The following PTPRM variants were observed in gnomAD, a reference collection of about 807,000 sequenced individuals.
PTPRM encodes receptor-type tyrosine-protein phosphatase mu.
Under a neutral mutation model 186.7 loss-of-function variants are expected in PTPRM, and 47 were observed. The observed-to-expected ratio is 0.25, with a 90% CI of 0.20 to 0.32. The LOEUF (loss-of-function observed/expected upper bound fraction) is 0.32. Ranked by LOEUF, PTPRM falls within the 10% of genes least tolerant of loss-of-function variation. The pLI is 1.00. For synonymous variants in PTPRM, 668 were observed against 674.9 expected, an observed-to-expected ratio of 0.99 and a Z score of 0.16; for missense variants, 1,494 against 1,865.0, an observed-to-expected ratio of 0.80 and a Z score of 3.66.
At chr18:7,779,952 G>T (rs981735703) in intron 2 of PTPRM, among the ~76,000 whole-genome samples, 4 of 152,104 alleles carry the variant, frequency 2.6e-5, no homozygotes, top group African/African-American at 9.7e-5. Flanking sequence ...ACGATTATAT[G>T]CTAGAAAACC....
chr18:7,994,949 A>G (rs2083455647), intron 7 of PTPRM, among the ~76,000 whole-genome samples: 1 of 152,110 alleles, frequency 6.6e-6, no homozygotes, highest in Middle Eastern at 3.2e-3. Context: ...AATTAGTAGA[A>G]GGGAAGAAAT....
intron 19 of PTPRM, among the ~76,000 whole-genome samples, chr18:8,278,242 A>T (rs1359722495): frequency 6.6e-6 from 1 of 152,254 alleles, no homozygotes; most frequent in Non-Finnish European, 1.5e-5. Flanking sequence ...TTGGGGAGCA[A>T]TGCAAAGTAT....
At chr18:8,174,612 A>G (rs12966378) in intron 14 of PTPRM, among the ~76,000 whole-genome samples, 7,106 of 152,268 alleles carry the variant, frequency 0.047, 216 homozygotes, top group Non-Finnish European at 0.074. Context: ...GGCGAGGGAA[A>G]TCTATAGGGA....
chr18:8,241,248 G>A (rs1305199182), intron 14 of PTPRM, among the ~76,000 whole-genome samples: 1 of 152,194 alleles, frequency 6.6e-6, no homozygotes, highest in Non-Finnish European at 1.5e-5. Context: ...TGAGGCACGA[G>A]AATCACTTGA....
intron 7 of PTPRM, among the ~76,000 whole-genome samples, chr18:8,040,429 A>T (rs921188148): frequency 6.6e-6 from 1 of 152,170 alleles, no homozygotes; most frequent in African/African-American, 2.4e-5. Context: ...TTATGTGTCA[A>T]ATCGAAGCTG....
intron 26 of PTPRM, 196 bp downstream of exon 26, chr18:8,376,793 AG>A: frequency 1.5e-6 from 1 of 653,352 alleles, no homozygotes; most frequent in Non-Finnish European, 2.3e-6. Flanking sequence ...AAACAAACCC[AG>A]GAGTTTTCCA....
intron 2 of PTPRM, among the ~76,000 whole-genome samples, chr18:7,885,621 C>T (rs757601609): frequency 7.9e-5 from 12 of 152,258 alleles, no homozygotes; most frequent in Non-Finnish European, 1.8e-4. Flanking sequence ...ACTACAGAAG[C>T]ATGCCTCAAA....
At chr18:7,964,171 C>G (rs1163399987) in intron 7 of PTPRM, among the ~76,000 whole-genome samples, 2 of 152,116 alleles carry the variant, frequency 1.3e-5, no homozygotes, top group Admixed American at 6.5e-5. Flanking sequence ...ACACTGGGGT[C>G]CTATGCATAA....
chr18:7,827,626 A>G (rs1480699037), intron 2 of PTPRM, among the ~76,000 whole-genome samples: 1 of 152,214 alleles, frequency 6.6e-6, no homozygotes, highest in Non-Finnish European at 1.5e-5. Context: ...CCAAGCACCA[A>G]GAGTCACCTA....
intron 1 of PTPRM, among the ~76,000 whole-genome samples, chr18:7,601,907 A>G (rs62089798): frequency 0.011 from 1,695 of 152,270 alleles, 17 homozygotes; most frequent in Non-Finnish European, 0.015. Context: ...GGAATTTTTC[A>G]TATTTAGGGG....
rs138965113 is a variant in PTPRM at position 8,069,557 on chromosome 18, A to T, written c.1133-129A>T. The T allele has an allele frequency of 1.2e-4, 97 of 830,572 alleles. No individual in the cohort carries two copies. In the East Asian group the frequency reaches 2.6e-3, roughly 22 times the overall value. The allele number at this position is 830,572 out of a possible 1,614,324, so 51.5% of individuals were successfully genotyped here. On this transcript the variant is annotated intron_variant, in intron 7 of 32. Transcript: ENST00000580170. ...CCAAATGCCTAGCCAAGATTTAGGG[A>T]TTTATTATCCAGGAAGAAGAGGAGA...
chr18:7,595,921 T>C (rs1266478188), intron 1 of PTPRM, among the ~76,000 whole-genome samples: 1 of 152,190 alleles, frequency 6.6e-6, no homozygotes, highest in Non-Finnish European at 1.5e-5. Flanking sequence ...CCCATTTATA[T>C]CCACACCTCT....
intron 2 of PTPRM, among the ~76,000 whole-genome samples, chr18:7,803,003 C>T (rs538052555): frequency 6.6e-6 from 1 of 152,174 alleles, no homozygotes; most frequent in African/African-American, 2.4e-5. Flanking sequence ...GGGAACCTAA[C>T]ATGGGTGGTC....
At chr18:7,920,685 C>T (rs897931880) in intron 4 of PTPRM, among the ~76,000 whole-genome samples, 11 of 152,074 alleles carry the variant, frequency 7.2e-5, no homozygotes, top group Admixed American at 1.3e-4. Flanking sequence ...TAATATTATC[C>T]GTGGGTTTTA....
At chr18:7,728,391 A>T (rs1958673172) in intron 1 of PTPRM, among the ~76,000 whole-genome samples, 1 of 152,286 alleles carries the variant, frequency 6.6e-6, no homozygotes, top group African/African-American at 2.4e-5. Context: ...GTCCTGCAAG[A>T]AGGTTTCCAC....
At chr18:7,677,701 C>T (rs1266047007) in intron 1 of PTPRM, among the ~76,000 whole-genome samples, 1 of 152,102 alleles carries the variant, frequency 6.6e-6, no homozygotes, top group Admixed American at 6.5e-5. Flanking sequence ...GCATCACGCT[C>T]CCCCTCTGGA....
intron 7 of PTPRM, among the ~76,000 whole-genome samples, chr18:8,055,239 A>G (rs775507291): frequency 1.3e-5 from 2 of 152,036 alleles, no homozygotes; most frequent in Non-Finnish European, 1.5e-5. Flanking sequence ...CCTGTGTTCT[A>G]CTTCTGGAAT....
intron 1 of PTPRM, among the ~76,000 whole-genome samples, chr18:7,698,347 A>C (rs1026878719): frequency 2.0e-5 from 3 of 152,216 alleles, no homozygotes; most frequent in African/African-American, 7.2e-5. Context: ...TTTCAGAGAA[A>C]TACCATTTGG....
intron 5 of PTPRM, among the ~76,000 whole-genome samples, chr18:7,936,526 T>C (rs1377915574): frequency 6.6e-6 from 1 of 152,170 alleles, no homozygotes; most frequent in Admixed American, 6.5e-5. Context: ...TTCCTGACTT[T>C]AGGCACTGAC....
Sources: allele counts gnomAD v4.1 joint callset (sites outside exome capture counted in the v4.1 genomes callset), GRCh38; gene constraint gnomAD v4.1.1; transcripts MANE v1.5; gene names NCBI Gene and HGNC (gene_info 2026-07-23, HGNC 2026-07-21).